CEBPZ: variants seen among roughly 807,000 people sequenced by gnomAD.
CEBPZ encodes the protein CCAAT enhancer binding protein zeta.
In CEBPZ, 78 loss-of-function variants were observed where a neutral mutation model predicts 104.5. The observed-to-expected ratio is 0.75, with a 90% CI of 0.62 to 0.90. The LOEUF (loss-of-function observed/expected upper bound fraction) is 0.90. CEBPZ is among the 40% of genes least tolerant of loss of function. The probability of loss-of-function intolerance (pLI) is 0.00; values close to 1 mark genes in which losing one functional copy is unlikely to be tolerated. For synonymous variants in CEBPZ, 470 were observed against 427.0 expected (o/e 1.10, Z -1.24); for missense variants, 1,439 against 1,233.5 (o/e 1.17, Z -2.50).
At chr2:37,203,316 T>C (rs761735421) in intron 13 of CEBPZ, 19 of 187,014 alleles carry the variant, frequency 1.0e-4, no homozygotes, top group East Asian at 5.1e-4. Flanking sequence ...AGTAAAATTA[T>C]CAGTTTGACA....
chr2:37,226,195 T>A (rs2148361913), intron 2 of CEBPZ, among the ~76,000 whole-genome samples: 1 of 152,144 alleles, frequency 6.6e-6, no homozygotes, highest in African/African-American at 2.4e-5. Context: ...TCTTTCTCTA[T>A]ACTTTGTCTC....
intron 15 of CEBPZ, 91 bp downstream of exon 15, chr2:37,202,670 AAAAAAAAAAAAAAAAAAAAAAAG>A: frequency 9.6e-5 from 14 of 145,846 alleles, no homozygotes; most frequent in South Asian, 4.7e-4. Context: ...AAAAAAAAAA[AAAAAAAAAAAAAAAAAAAAAAAG>A]AATAAATAAA....
intron 4 of CEBPZ, among the ~76,000 whole-genome samples, chr2:37,222,161 G>A (rs1291799711): frequency 1.3e-5 from 2 of 152,192 alleles, no homozygotes; most frequent in Admixed American, 6.5e-5. Flanking sequence ...GCACATGCCT[G>A]TAATCCCAGC....
intron 10 of CEBPZ, among the ~76,000 whole-genome samples, chr2:37,213,127 T>C (rs1393756487): frequency 6.6e-6 from 1 of 152,188 alleles, no homozygotes; most frequent in East Asian, 1.9e-4. Flanking sequence ...CAATTTACCA[T>C]GTTTTTTGTT....
At position 37,231,482 on chromosome 2, in the gene CEBPZ, T is replaced by C. The variant is rs1665101135; in HGVS notation, c.86A>G (p.Asp29Gly). 1 of 1,614,148 alleles carries C rather than the reference T, an allele frequency of 6.2e-7. No individual in the cohort carries two copies. Among genetic ancestry groups the C allele is most frequent in the East Asian group, 2.2e-5 (1 of 44,876 alleles). Residue 29 changes from aspartate to glycine, a missense_variant, in exon 1 of 16, where the codon GAT becomes GGT. Transcript: ENST00000234170. The stretch of plus-strand genomic sequence containing the variant: ...CTCGGCTTCACTAGTATTATCCTCA[T>C]CCTCCTCGTCCGGATCTTCTACTGC... ...EEAVEDPDEEDEDNTSEAENG... is the reference protein window; with the variant it reads ...EEAVEDPDEEGEDNTSEAENG...
intron 5 of CEBPZ, 83 bp from the exon 6 acceptor site, chr2:37,217,120 G>T: frequency 8.5e-7 from 1 of 1,177,454 alleles, no homozygotes; most frequent in Non-Finnish European, 1.2e-6. Flanking sequence ...AAATCGGGCT[G>T]GGTGTGGTGG....
intron 4 of CEBPZ, 88 bp from the exon 5 acceptor site, chr2:37,220,561 C>T (rs1250778988): frequency 3.6e-6 from 2 of 559,498 alleles, no homozygotes; most frequent in African/African-American, 2.0e-5. Flanking sequence ...ATATTCTCAA[C>T]AGATATCTCC....
intron 5 of CEBPZ, among the ~76,000 whole-genome samples, chr2:37,219,111 T>C (rs1306081430): frequency 1.3e-5 from 2 of 152,202 alleles, no homozygotes; most frequent in East Asian, 3.8e-4. Context: ...TGACAACAAA[T>C]ACTGCCAGCT....
intron 13 of CEBPZ, among the ~76,000 whole-genome samples, chr2:37,206,132 A>G (rs78219559): frequency 0.023 from 3,454 of 152,298 alleles, 63 homozygotes; most frequent in Middle Eastern, 0.054. Flanking sequence ...AAAGAGGCAA[A>G]CATGTTGATC....
At chr2:37,207,282 C>G (rs1028043920) in intron 13 of CEBPZ, among the ~76,000 whole-genome samples, 1 of 152,172 alleles carries the variant, frequency 6.6e-6, no homozygotes, top group Non-Finnish European at 1.5e-5. Context: ...TGGACTTAAA[C>G]TATACCTTAG....
chr2:37,215,097 C>T, intron 8 of CEBPZ, 145 bp from the exon 9 acceptor site: 2 of 607,884 alleles, frequency 3.3e-6, no homozygotes, highest in Middle Eastern at 4.3e-4. Flanking sequence ...CTCTGGAGTG[C>T]AAGGGACAAT....
chr2:37,231,341 G>T (rs1489643991), intron 1 of CEBPZ, 71 bp downstream of exon 1: 4 of 1,588,468 alleles, frequency 2.5e-6, no homozygotes, highest in Admixed American at 1.7e-5. Context: ...CGGAAGCGGC[G>T]GGGCAGTCAG....
At chr2:37,221,900 T>C (rs887911790) in intron 4 of CEBPZ, among the ~76,000 whole-genome samples, 2 of 152,238 alleles carry the variant, frequency 1.3e-5, no homozygotes, top group Non-Finnish European at 2.9e-5. Flanking sequence ...ATTCTATTAA[T>C]AGACTTTTAA....
Position 37,212,018 on chromosome 2 carries a change from T to C in CEBPZ, c.2625A>G (p.Lys875=). The C allele has an allele frequency of 6.3e-7, 1 of 1,583,338 alleles. No homozygotes were observed. The stretch of plus-strand genomic sequence containing the variant: ...CATCTAATGTGTTATCCTTAGCTCC[T>C]TTTGTTCTCTTTTTCACGTTTCTGG... The part of the protein sequence containing the change: ...DFAGNVKKRT[K]GAKDNTLDED... The change falls in exon 12 of 16, where the codon AAA becomes AAG. Residue 875 remains lysine, a synonymous_variant. Coordinates refer to ENST00000234170, the MANE Select transcript of CEBPZ (RefSeq NM_005760.3).
chr2:37,208,683 A>G (rs1677618200), intron 13 of CEBPZ, among the ~76,000 whole-genome samples: 2 of 152,202 alleles, frequency 1.3e-5, no homozygotes, highest in South Asian at 4.1e-4. Flanking sequence ...CATAGCCAAC[A>G]TTATACTGAA....
At chr2:37,210,105 A>C (rs1200769173) in intron 13 of CEBPZ, 2 of 152,176 alleles carry the variant, frequency 1.3e-5, no homozygotes, top group Non-Finnish European at 2.9e-5. Context: ...GAATGGCCGT[A>C]ATTTAAAAAT....
chr2:37,211,849 C>G lies in CEBPZ; in HGVS notation c.2794G>C (p.Val932Leu). 1 of 1,591,862 alleles carries G rather than the reference C, an allele frequency of 6.3e-7. No individual in the cohort carries two copies. ...MDVLDDESES[V>L]PELEVHSKVS... Reference sequence around the variant, plus strand: ...TATTTTAAAAAATGCTTACCTGGAACGCTCTCACTTTCATCATCTAACACA... The same window carrying G: ...TATTTTAAAAAATGCTTACCTGGAAGGCTCTCACTTTCATCATCTAACACA... The change falls in exon 12 of 16, where the codon GTT (valine) becomes CTT (leucine). Residue 932 changes from valine (V) to leucine (L), a missense_variant. Physicochemically the swap from Val to Leu is conservative, Grantham distance 32. Coordinates refer to ENST00000234170, the MANE Select transcript of CEBPZ (RefSeq NM_005760.3).
chr2:37,231,379 C>T (rs767691944), intron 1 of CEBPZ, 33 bp downstream of exon 1: 11 of 1,612,974 alleles, frequency 6.8e-6, no homozygotes, highest in Middle Eastern at 1.6e-4. Flanking sequence ...CTCTCCACGC[C>T]TGATCCCGTT....
chr2:37,202,281 A>C (rs1677289223), intron 15 of CEBPZ: 1 of 162,190 alleles, frequency 6.2e-6, no homozygotes, highest in Non-Finnish European at 1.3e-5. Flanking sequence ...TGTTAATCTT[A>C]CATGTTCTCC....
Sources: allele counts gnomAD v4.1 joint callset (sites outside exome capture counted in the v4.1 genomes callset), GRCh38; gene constraint gnomAD v4.1.1; transcripts MANE v1.5; gene names NCBI Gene and HGNC (gene_info 2026-07-23, HGNC 2026-07-21).